Variants in RPS6KA5 observed in about 807,000 individuals in gnomAD.
The protein encoded by RPS6KA5 is ribosomal protein S6 kinase A5.
In RPS6KA5, 27 loss-of-function variants were observed where a neutral mutation model predicts 85.5. The ratio of observed to expected loss-of-function variants is 0.32; its 90% CI spans 0.23 to 0.44. The LOEUF (loss-of-function observed/expected upper bound fraction) is 0.44. Ranked by LOEUF, RPS6KA5 falls within the 20% of genes least tolerant of loss-of-function variation. The pLI is 1.00. For missense variants in RPS6KA5, 811 were observed against 980.9 expected, an observed-to-expected ratio of 0.83 and a Z score of 2.31; for synonymous variants, 334 against 348.2, an observed-to-expected ratio of 0.96 and a Z score of 0.46.
chr14:90,988,131 T>C (rs1457848272), intron 2 of RPS6KA5, among the ~76,000 whole-genome samples: 1 of 152,242 alleles, frequency 6.6e-6, no homozygotes, highest in Non-Finnish European at 1.5e-5. Flanking sequence ...AGAAAAATCA[T>C]TCTGGCTCTA....
At chr14:90,872,553 G>C (rs1251196410) in intron 16 of RPS6KA5, among the ~76,000 whole-genome samples, 1 of 152,152 alleles carries the variant, frequency 6.6e-6, no homozygotes, top group Admixed American at 6.5e-5. Flanking sequence ...GGCGGTCTGA[G>C]AGTCACAATT....
chr14:90,930,953 G>A (rs2036941091), intron 5 of RPS6KA5, among the ~76,000 whole-genome samples: 1 of 152,204 alleles, frequency 6.6e-6, no homozygotes, highest in African/African-American at 2.4e-5. Context: ...ATGTAAAATG[G>A]TGCAGCTGCT....
chr14:90,990,567 A>G (rs943826466), intron 2 of RPS6KA5, among the ~76,000 whole-genome samples: 5 of 152,220 alleles, frequency 3.3e-5, no homozygotes, highest in African/African-American at 1.2e-4. Context: ...CCAAAAAGAC[A>G]TATGTACTCA....
At chr14:90,957,985 A>C (rs1466455924) in intron 3 of RPS6KA5, among the ~76,000 whole-genome samples, 1 of 151,986 alleles carries the variant, frequency 6.6e-6, no homozygotes, top group Non-Finnish European at 1.5e-5. Flanking sequence ...CTAGAAAAAA[A>C]ATAAAAATAA....
At chr14:90,997,991 C>T (rs915192752) in intron 2 of RPS6KA5, among the ~76,000 whole-genome samples, 5 of 115,634 alleles carry the variant, frequency 4.3e-5, no homozygotes, top group African/African-American at 6.9e-5. Flanking sequence ...CTGGGTGGCA[C>T]AGCGAGACTC....
At chr14:90,983,284 A>G (rs1595396150) in intron 2 of RPS6KA5, among the ~76,000 whole-genome samples, 2 of 151,370 alleles carry the variant, frequency 1.3e-5, no homozygotes, top group African/African-American at 4.8e-5. Context: ...CTCAAAAAAA[A>G]AAAAAAAAGA....
At chr14:90,926,910 A>C (rs1313500678) in intron 5 of RPS6KA5, among the ~76,000 whole-genome samples, 1 of 152,196 alleles carries the variant, frequency 6.6e-6, no homozygotes, top group Admixed American at 6.5e-5. Flanking sequence ...AAGCAGAGAA[A>C]ACAAATGTGT....
intron 4 of RPS6KA5, among the ~76,000 whole-genome samples, chr14:90,944,905 A>G (rs1007822439): frequency 6.8e-6 from 1 of 146,158 alleles, no homozygotes. Flanking sequence ...GAGCGAGACC[A>G]TATGTCTATT....
chr14:90,900,812 C>CT, intron 9 of RPS6KA5, 76 bp from the exon 10 acceptor site: 5 of 1,270,838 alleles, frequency 3.9e-6, no homozygotes, highest in Non-Finnish European at 5.3e-6. Context: ...ATTGTAATGA[C>CT]TTTTTTTCCT....
At position 90,871,968 on chromosome 14, in the gene RPS6KA5, T is replaced by C; in HGVS notation, c.*106A>G. 2 of 1,433,286 alleles carry C rather than the reference T, an allele frequency of 1.4e-6. No homozygotes were observed. Among genetic ancestry groups the C allele is most frequent in the South Asian group, 1.4e-5 (1 of 71,490 alleles). The allele number at this position is 1,433,286 out of a possible 1,614,324, so 88.8% of individuals were successfully genotyped here. A position where few individuals can be genotyped will look rare whatever the true frequency, so the allele number is the denominator to read the frequency against. ...CTGAAAAAAATCATTAGGAGGCAGA[T>C]TCCAATGAGACCAACGGGAAACATT... On this transcript the variant is annotated 3_prime_UTR_variant, in exon 17 of 17. Coordinates refer to ENST00000614987, the MANE Select transcript of RPS6KA5 (RefSeq NM_004755.4).
intron 4 of RPS6KA5, 85 bp downstream of exon 4, chr14:90,947,350 A>T (rs1264573637): frequency 2.7e-6 from 2 of 737,860 alleles, no homozygotes; most frequent in African/African-American, 3.5e-5. Flanking sequence ...AGACAATAAC[A>T]TGTAAAAACA....
At chr14:90,887,104 C>A (rs1168391082) in intron 14 of RPS6KA5, among the ~76,000 whole-genome samples, 1 of 151,898 alleles carries the variant, frequency 6.6e-6, no homozygotes, top group Non-Finnish European at 1.5e-5. Flanking sequence ...GCAAAGCACT[C>A]TTTTTTTTCG....
chr14:90,940,629 G>C (rs1024294788), intron 5 of RPS6KA5, among the ~76,000 whole-genome samples: 11 of 152,194 alleles, frequency 7.2e-5, no homozygotes, highest in African/African-American at 2.7e-4. Flanking sequence ...GAATTATTAA[G>C]TGATTCTTTT....
At chr14:91,007,495 T>C (rs569980674) in intron 1 of RPS6KA5, among the ~76,000 whole-genome samples, 2 of 152,336 alleles carry the variant, frequency 1.3e-5, no homozygotes, top group East Asian at 3.9e-4. Context: ...ACCATGCTCC[T>C]CTCAAAAGCT....
chr14:90,935,171 C>T (rs747680717), intron 5 of RPS6KA5, among the ~76,000 whole-genome samples: 26 of 152,134 alleles, frequency 1.7e-4, no homozygotes, highest in Non-Finnish European at 2.5e-4. Flanking sequence ...AATGCAAACA[C>T]GCTCTTTATG....
intron 12 of RPS6KA5, among the ~76,000 whole-genome samples, chr14:90,897,780 T>C (rs1876917019): frequency 6.6e-6 from 1 of 152,186 alleles, no homozygotes; most frequent in South Asian, 2.1e-4. Context: ...GTCTGGGATG[T>C]AGTTATGGGC....
intron 2 of RPS6KA5, among the ~76,000 whole-genome samples, chr14:90,988,919 T>C (rs1034786191): frequency 6.6e-6 from 1 of 152,230 alleles, no homozygotes; most frequent in Non-Finnish European, 1.5e-5. Context: ...CTAACAAAAT[T>C]GCAATTAGCA....
Position 91,060,332 on chromosome 14 carries a change from C to T in RPS6KA5, c.103G>A (p.Ala35Thr), listed in dbSNP as rs1190194033. ...GCCGGCAGAGGGCGGGGTCGCTCACCAGTCCGCAGCTCGTGCTTGACAGTG... is the reference window on the plus strand; with the variant it reads ...GCCGGCAGAGGGCGGGGTCGCTCACTAGTCCGCAGCTCGTGCTTGACAGTG... ...LLTVKHELRT[A>T]NLTGHAEKVG... Residue 35 changes from alanine to threonine, a missense_variant and splice_region_variant, in exon 1 of 17, where the codon GCT (alanine) becomes ACT (threonine). Ala to Thr is a moderately conservative substitution (Grantham distance 58). Transcript: ENST00000614987. 3 of 1,375,736 alleles carry T rather than the reference C, an allele frequency of 2.2e-6. No homozygotes were observed. In the East Asian group the frequency reaches 8.6e-5, roughly 40 times the overall value. The allele number at this position is 1,375,736 out of a possible 1,614,324, so 85.2% of individuals were successfully genotyped here. A position where few individuals can be genotyped will look rare whatever the true frequency, so the allele number is the denominator to read the frequency against.
chr14:90,901,159 C>G (rs1214839219), intron 9 of RPS6KA5, among the ~76,000 whole-genome samples: 3 of 151,868 alleles, frequency 2.0e-5, no homozygotes, highest in Non-Finnish European at 4.4e-5. Flanking sequence ...GGCTGGAGTG[C>G]AGTGGTGCGA....
Sources: gnomAD v4.1 joint callset for allele counts (sites outside exome capture counted in the v4.1 genomes callset) on GRCh38, gnomAD v4.1.1 for gene constraint, MANE v1.5 for transcripts, NCBI Gene and HGNC (gene_info 2026-07-23, HGNC 2026-07-21) for gene names.